CORO7: variants seen among roughly 807,000 people sequenced by gnomAD.
CORO7 encodes the protein coronin-7.
A neutral mutation model predicts 126.6 loss-of-function variants in CORO7; 107 were observed. The observed-to-expected ratio is 0.85, with a 90% CI of 0.72 to 0.99. The LOEUF is 0.99. Ranked by LOEUF, CORO7 falls within the 50% of genes least tolerant of loss-of-function variation. The pLI is 0.00. For synonymous variants in CORO7, 603 were observed against 536.8 expected (o/e 1.12, Z -1.70); for missense variants, 1,314 against 1,255.8 (o/e 1.05, Z -0.70).
At chr16:4,415,532 G>A (rs2056376606) in intron 1 of CORO7, among the ~76,000 whole-genome samples, 1 of 152,120 alleles carries the variant, frequency 6.6e-6, no homozygotes, top group African/African-American at 2.4e-5. Flanking sequence ...GGAAAATGCC[G>A]TTGTGTTCAC....
At chr16:4,410,060 A>G (rs1388951861) in intron 3 of CORO7, among the ~76,000 whole-genome samples, 1 of 152,168 alleles carries the variant, frequency 6.6e-6, no homozygotes, top group African/African-American at 2.4e-5. Context: ...GAGCCCTAGT[A>G]GCAGAGGGCT....
chr16:4,386,639 C>T (rs2055202644), intron 9 of CORO7, among the ~76,000 whole-genome samples: 1 of 152,304 alleles, frequency 6.6e-6, no homozygotes, highest in East Asian at 1.9e-4. Flanking sequence ...CCAGAGCAGG[C>T]AGGAGGCTGA....
At chr16:4,383,691 C>A (rs577775815) in intron 9 of CORO7, among the ~76,000 whole-genome samples, 5 of 152,168 alleles carry the variant, frequency 3.3e-5, no homozygotes, top group Non-Finnish European at 7.4e-5. Flanking sequence ...TGAGGTGAGG[C>A]TGGGCCCAGG....
intron 9 of CORO7, chr16:4,380,870 G>A (rs937385163): frequency 1.1e-5 from 16 of 1,509,764 alleles, no homozygotes; most frequent in Non-Finnish European, 1.2e-5. Flanking sequence ...TGCTCCCAGG[G>A]ACAGAAGATG....
At chr16:4,380,804 T>A in intron 9 of CORO7, 1 of 1,407,014 alleles carries the variant, frequency 7.1e-7, no homozygotes, top group South Asian at 1.5e-5. Flanking sequence ...TGGCTCTTCC[T>A]GGCGTGTCTG....
chr16:4,403,052 T>C (rs1256360330), intron 6 of CORO7, among the ~76,000 whole-genome samples: 1 of 151,832 alleles, frequency 6.6e-6, no homozygotes, highest in African/African-American at 2.4e-5. Flanking sequence ...TGGTGGAAAG[T>C]CCCATGACCC....
rs986156217 is a variant in CORO7 at position 4,377,073 on chromosome 16, TA to T, written c.785+10912del. On this transcript the variant is annotated intron_variant, in intron 9 of 27. Coordinates refer to ENST00000251166, the MANE Select transcript of CORO7 (RefSeq NM_024535.5). ...GCCCACTGCACAATGGGGGCTGAGG[TA>T]GGGGTCGTGGCCGGGCTGTGGACCC... Among the ~76,000 whole-genome samples, 75 of 152,092 alleles carry T rather than the reference TA, an allele frequency of 4.9e-4. No individual in the cohort carries two copies. The South Asian group carries it at 5.2e-3, about 11-fold the overall frequency.
chr16:4,394,155 C>T lies in CORO7; in HGVS notation c.615+1134G>A, dbSNP rs117747352. Among the ~76,000 whole-genome samples the T allele has an allele frequency of 1.4e-3, 209 of 151,604 alleles. 2 individuals carry two copies. The East Asian group carries it at 0.039, about 29-fold the overall frequency. Reference sequence around the variant, plus strand: ...TCATCGCACTTCCTGCTTAAAACTCCCTAATGGTGGCCGGACACGGTGGCT... The same window carrying T: ...TCATCGCACTTCCTGCTTAAAACTCTCTAATGGTGGCCGGACACGGTGGCT... On this transcript the variant is annotated intron_variant, in intron 7 of 27. Transcript: ENST00000251166.
chr16:4,391,916 AG>A (rs2055407273), intron 7 of CORO7, among the ~76,000 whole-genome samples: 1 of 152,166 alleles, frequency 6.6e-6, no homozygotes, highest in African/African-American at 2.4e-5. Flanking sequence ...TCAGCCCCGC[AG>A]GGGGTGCAGG....
chr16:4,400,946 C>G (rs1406779161), intron 6 of CORO7, among the ~76,000 whole-genome samples: 1 of 152,106 alleles, frequency 6.6e-6, no homozygotes, highest in Non-Finnish European at 1.5e-5. Flanking sequence ...AACTTGCTCA[C>G]TTTTTCTGTA....
At chr16:4,386,514 G>A (rs1481715506) in intron 9 of CORO7, among the ~76,000 whole-genome samples, 8 of 152,168 alleles carry the variant, frequency 5.3e-5, no homozygotes, top group Admixed American at 2.0e-4. Context: ...AGGCAGCTCC[G>A]GGCCTGGGAT....
In CORO7 at chr16:4,360,915, G is replaced by C. The variant is rs200755768; in HGVS notation, c.1917+28C>G. On this transcript the variant is annotated intron_variant, in intron 19 of 27. Coordinates refer to ENST00000251166, the MANE Select transcript of CORO7 (RefSeq NM_024535.5). ...ACTGCTGGCCCCGCCTCTCCACACTGCTGGCCCCACCTCTGCAGCCGTCCT... is the reference window on the plus strand; with the variant it reads ...ACTGCTGGCCCCGCCTCTCCACACTCCTGGCCCCACCTCTGCAGCCGTCCT... 4.5e-5 allele frequency: 72 copies of C among 1,592,284 alleles called. No individual in the cohort carries two copies. The East Asian group carries it at 8.3e-4, about 18-fold the overall frequency.
chr16:4,364,829 G>A lies in CORO7; in HGVS notation c.990C>T (p.Val330=). 1.2e-6 allele frequency: 2 copies of A among 1,612,200 alleles called. No individual in the cohort carries two copies. Among genetic ancestry groups the A allele is most frequent in the Admixed American group, 1.7e-5 (1 of 59,964 alleles). ...CGATGGCTGTGTCGCTCAGCTGTAGGACGCGGAGTACCTCGCAGCTCATGA... is the reference window on the plus strand; with the variant it reads ...CGATGGCTGTGTCGCTCAGCTGTAGAACGCGGAGTACCTCGCAGCTCATGA... ...LAVMSCEVLR[V]LQLSDTAIVP... Residue 330 remains valine (V), a synonymous_variant, in exon 12 of 28, where the codon GTC becomes GTT. Transcript: ENST00000251166.
At chr16:4,361,910 G>A (rs1196042616) in intron 16 of CORO7, 75 bp downstream of exon 16, 1 of 1,540,234 alleles carries the variant, frequency 6.5e-7, no homozygotes, top group African/African-American at 1.4e-5. Context: ...TGTGTTGTGT[G>A]GGTAGCTAAG....
At chr16:4,407,722 G>A (rs1367595332) in intron 4 of CORO7, 38 bp from the exon 5 acceptor site, 2 of 1,525,776 alleles carry the variant, frequency 1.3e-6, no homozygotes, top group Admixed American at 2.1e-5. Context: ...CAGGGCTGAG[G>A]GCCTCACTGC....
rs780550916 is a variant in CORO7 at position 4,359,340 on chromosome 16, A to G, written c.2296T>C (p.Phe766Leu). Residue 766 changes from phenylalanine to leucine, a missense_variant, in exon 23 of 28, where the codon TTC (phenylalanine) becomes CTC (leucine). Phe to Leu is a conservative substitution (Grantham distance 22). Transcript: ENST00000251166. ...GTGAAGCTGTTGCACTCCAGGAAGAAAGGGGACTCGGGGAGCAGCTCGTAC... is the reference window on the plus strand; with the variant it reads ...GTGAAGCTGTTGCACTCCAGGAAGAGAGGGGACTCGGGGAGCAGCTCGTAC... ...FLYELLPESP[F>L]FLECNSFTSP... is the part of the protein sequence containing the mutation. 1 of 1,613,024 alleles carries G rather than the reference A, an allele frequency of 6.2e-7. No homozygotes were observed. Among genetic ancestry groups the G allele is most frequent in the Admixed American group, 1.7e-5 (1 of 59,938 alleles).
chr16:4,413,491 G>A, intron 1 of CORO7, 87 bp from the exon 2 acceptor site: 10 of 1,274,712 alleles, frequency 7.8e-6, no homozygotes, highest in Non-Finnish European at 1.1e-5. Flanking sequence ...GCATAATCTG[G>A]GGAACTCTAG....
intron 1 of CORO7, among the ~76,000 whole-genome samples, chr16:4,415,539 T>C (rs1288503286): frequency 6.6e-5 from 10 of 152,104 alleles, no homozygotes; most frequent in Admixed American, 6.6e-4. Context: ...GCCGTTGTGT[T>C]CACCGGGATG....
At chr16:4,412,578 G>T in intron 2 of CORO7, 148 bp from the exon 3 acceptor site, 2 of 759,228 alleles carry the variant, frequency 2.6e-6, no homozygotes, top group Non-Finnish European at 4.3e-6. Flanking sequence ...TCTGCACGTA[G>T]CAATGGCCTG....
Sources: allele counts gnomAD v4.1 joint callset (sites outside exome capture counted in the v4.1 genomes callset), GRCh38; gene constraint gnomAD v4.1.1; transcripts MANE v1.5; gene names NCBI Gene and HGNC (gene_info 2026-07-23, HGNC 2026-07-21).